Variants in DPP10 observed in about 807,000 individuals in gnomAD.
DPP10 encodes the protein inactive dipeptidyl peptidase 10.
A neutral mutation model predicts 120.9 loss-of-function variants in DPP10; 33 were observed. That is an observed-to-expected ratio of 0.27 (90% confidence interval 0.21 to 0.37). The LOEUF is 0.37. DPP10 is among the 10% of genes least tolerant of loss of function. The pLI, the probability that DPP10 is intolerant of heterozygous loss-of-function variation, is 1.00. For missense variants in DPP10, 816 were observed against 942.8 expected (o/e 0.87, Z 1.76); for synonymous variants, 337 against 326.1 (o/e 1.03, Z -0.36).
At chr2:114,492,203 C>A (rs1465309549) in intron 1 of DPP10, among the ~76,000 whole-genome samples, 5 of 151,982 alleles carry the variant, frequency 3.3e-5, no homozygotes, top group Admixed American at 6.6e-5. Flanking sequence ...ATTCACCGAG[C>A]GACTCTTTTT....
At chr2:115,393,308 CT>C (rs2067447894) in intron 3 of DPP10, among the ~76,000 whole-genome samples, 1 of 51,172 alleles carries the variant, frequency 2.0e-5, no homozygotes, top group African/African-American at 5.2e-5. Context: ...GGAAGACTGT[CT>C]CAAAAAAAAA....
intron 1 of DPP10, among the ~76,000 whole-genome samples, chr2:115,135,658 A>G (rs574203402): frequency 6.6e-6 from 1 of 152,332 alleles, no homozygotes; most frequent in South Asian, 2.1e-4. Flanking sequence ...GTTGAACTGA[A>G]CATGGAAAAT....
At chr2:115,448,186 G>T (rs2072787765) in intron 3 of DPP10, among the ~76,000 whole-genome samples, 1 of 152,150 alleles carries the variant, frequency 6.6e-6, no homozygotes, top group Admixed American at 6.6e-5. Flanking sequence ...ATACTTGAAA[G>T]ATTCTATTCC....
intron 2 of DPP10, among the ~76,000 whole-genome samples, chr2:115,314,187 G>A (rs2061691884): frequency 1.3e-5 from 2 of 152,156 alleles, no homozygotes; most frequent in Admixed American, 1.3e-4. Context: ...AGTTGATACA[G>A]GATAGTCATC....
intron 1 of DPP10, among the ~76,000 whole-genome samples, chr2:114,551,724 G>A (rs1252980795): frequency 6.6e-6 from 1 of 152,162 alleles, no homozygotes; most frequent in Non-Finnish European, 1.5e-5. Context: ...CCTGAACTGA[G>A]TATCAGTAGG....
At chr2:115,794,984 T>C (rs1418170096) in intron 19 of DPP10, among the ~76,000 whole-genome samples, 2 of 152,104 alleles carry the variant, frequency 1.3e-5, no homozygotes, top group African/African-American at 4.8e-5. Flanking sequence ...TAATAGTTAT[T>C]TGGGTTTGTT....
intron 1 of DPP10, among the ~76,000 whole-genome samples, chr2:115,037,050 T>A (rs1704272244): frequency 6.6e-6 from 1 of 152,158 alleles, no homozygotes; most frequent in Non-Finnish European, 1.5e-5. Flanking sequence ...CCATGGGAGC[T>A]ATTTGTCAAC....
chr2:114,532,276 TATATATATATATATATATATACAC>T (rs1686064359), intron 1 of DPP10, among the ~76,000 whole-genome samples: 2 of 52,262 alleles, frequency 3.8e-5, no homozygotes, highest in East Asian at 5.4e-3. Flanking sequence ...TATATATATA[TATATATATATATATATATATACAC>T]ACACACACAC....
chr2:114,574,399 C>T (rs750210832), intron 1 of DPP10, among the ~76,000 whole-genome samples: 13 of 152,122 alleles, frequency 8.5e-5, no homozygotes, highest in Admixed American at 2.0e-4. Flanking sequence ...CCTAAAGACC[C>T]GTCATTATGA....
chr2:114,674,030 C>T (rs1274443776), intron 1 of DPP10, among the ~76,000 whole-genome samples: 2 of 151,872 alleles, frequency 1.3e-5, no homozygotes, highest in African/African-American at 4.8e-5. Flanking sequence ...TGAATTTAAA[C>T]TTAAAAATCT....
chr2:114,997,590 C>G (rs1701180199), intron 1 of DPP10, among the ~76,000 whole-genome samples: 1 of 151,676 alleles, frequency 6.6e-6, no homozygotes, highest in South Asian at 2.1e-4. Flanking sequence ...TCAAAATAGC[C>G]AAATTCATAT....
intron 1 of DPP10, among the ~76,000 whole-genome samples, chr2:114,857,428 T>C (rs1689457281): frequency 6.6e-6 from 1 of 152,160 alleles, no homozygotes; most frequent in South Asian, 2.1e-4. Context: ...CCTCTAGAGA[T>C]GTTAAGCCAT....
At chr2:115,703,724 CT>C (rs909950580) in intron 7 of DPP10, among the ~76,000 whole-genome samples, 3 of 151,912 alleles carry the variant, frequency 2.0e-5, no homozygotes, top group African/African-American at 7.2e-5. Flanking sequence ...GACTAAATAC[CT>C]CCACAGCAAC....
rs113372015 is a variant in DPP10 at position 114,798,087 on chromosome 2, CA to C, written c.60+355250del. Among the ~76,000 whole-genome samples the C allele has an allele frequency of 1.3e-3, 204 of 152,168 alleles. 1 individual carries two copies. The highest frequency in any genetic ancestry group is 4.7e-3 in the African/African-American group (196 of 41,502). On this transcript the variant is annotated intron_variant, in intron 1 of 25. Transcript: ENST00000410059. Reference sequence around the variant, plus strand: ...ATTGACAGTCTACAAAGTATCTAACCAGTATTCCTCAATCTGTCAAGGTCCC... The same window carrying C: ...ATTGACAGTCTACAAAGTATCTAACCGTATTCCTCAATCTGTCAAGGTCCC...
At chr2:115,376,833 A>C (rs1210516708) in intron 3 of DPP10, among the ~76,000 whole-genome samples, 10 of 150,736 alleles carry the variant, frequency 6.6e-5, no homozygotes, top group Non-Finnish European at 1.5e-4. Context: ...TAGTTTACTG[A>C]GAATGATGAT....
chr2:115,517,948 G>T (rs942342631), intron 4 of DPP10, among the ~76,000 whole-genome samples: 2 of 152,196 alleles, frequency 1.3e-5, no homozygotes, highest in Non-Finnish European at 2.9e-5. Flanking sequence ...CCTGGCATCT[G>T]CTTCTGGTGA....
intron 10 of DPP10, 115 bp downstream of exon 10, chr2:115,746,298 G>A (rs1333429574): frequency 3.2e-6 from 3 of 926,272 alleles, no homozygotes; most frequent in African/African-American, 1.7e-5. Context: ...TGAAAATAAA[G>A]CTGAAGTTGC....
chr2:114,540,810 A>G (rs1398796694), intron 1 of DPP10, among the ~76,000 whole-genome samples: 1 of 152,198 alleles, frequency 6.6e-6, no homozygotes, highest in Non-Finnish European at 1.5e-5. Flanking sequence ...GCCTCTGCTT[A>G]TACGCCTCCT....
chr2:115,379,502 A>T (rs2066113289), intron 3 of DPP10, among the ~76,000 whole-genome samples: 1 of 152,106 alleles, frequency 6.6e-6, no homozygotes. Flanking sequence ...TCAAAAAACC[A>T]GCTCCTGGAT....
Sources: allele counts gnomAD v4.1 joint callset (sites outside exome capture counted in the v4.1 genomes callset), GRCh38; gene constraint gnomAD v4.1.1; transcripts MANE v1.5; gene names NCBI Gene and HGNC (gene_info 2026-07-23, HGNC 2026-07-21).